Variants in PRKCB observed in about 807,000 individuals in gnomAD.
PRKCB encodes the protein protein kinase C beta type.
Under a neutral mutation model 81.5 loss-of-function variants are expected in PRKCB, and 13 were observed. The observed-to-expected ratio is 0.16, with a 90% confidence interval of 0.10 to 0.25. PRKCB has a LOEUF of 0.25. Among genes scored for constraint, PRKCB ranks in the 10% least tolerant of loss-of-function variants. PRKCB has a pLI of 1.00. For synonymous variants in PRKCB, 335 were observed against 321.4 expected (o/e 1.04, Z -0.45); for missense variants, 509 against 875.7 (o/e 0.58, Z 5.29).
At chr16:24,073,197 G>T (rs535178767) in intron 5 of PRKCB, among the ~76,000 whole-genome samples, 1 of 152,172 alleles carries the variant, frequency 6.6e-6, no homozygotes, top group Admixed American at 6.5e-5. Flanking sequence ...TGGATAAACC[G>T]CTTGCTAAAT....
intron 2 of PRKCB, among the ~76,000 whole-genome samples, chr16:23,951,715 G>A (rs1020017214): frequency 3.3e-5 from 5 of 151,156 alleles, no homozygotes; most frequent in African/African-American, 1.2e-4. Context: ...ACTGCACCTG[G>A]TCCCCTGTCT....
At chr16:24,191,446 C>A (rs780777666) in intron 16 of PRKCB, 1 of 469,554 alleles carries the variant, frequency 2.1e-6, no homozygotes, top group Non-Finnish European at 3.7e-6. Flanking sequence ...AACGACGATG[C>A]CTATTGAATT....
intron 2 of PRKCB, among the ~76,000 whole-genome samples, chr16:23,882,021 T>TCTTTCTTTCTCTTTCTTTCTTTCTTC: frequency 1.3e-4 from 7 of 55,592 alleles, no homozygotes; most frequent in South Asian, 8.5e-4. Flanking sequence ...TTTCTTTCTT[T>TCTTTCTTTCTCTTTCTTTCTTTCTTC]CTTCCTTCCT....
At chr16:23,991,932 T>A (rs895727337) in intron 3 of PRKCB, among the ~76,000 whole-genome samples, 2 of 152,236 alleles carry the variant, frequency 1.3e-5, no homozygotes, top group African/African-American at 4.8e-5. Context: ...TTCTCCAAAC[T>A]TATATCCTGA....
chr16:24,088,690 C>T (rs1267619657), intron 5 of PRKCB, among the ~76,000 whole-genome samples: 1 of 149,456 alleles, frequency 6.7e-6, no homozygotes, highest in Non-Finnish European at 1.5e-5. Context: ...GATCGCGCCA[C>T]CGCACTCCAG....
At chr16:23,954,652 A>G (rs1453105852) in intron 2 of PRKCB, among the ~76,000 whole-genome samples, 1 of 152,232 alleles carries the variant, frequency 6.6e-6, no homozygotes, top group Admixed American at 6.5e-5. Context: ...GCTTAGCTGC[A>G]CTGCCTATTA....
At chr16:24,135,553 TCCGC>T (rs1966862121) in intron 9 of PRKCB, among the ~76,000 whole-genome samples, 1 of 152,066 alleles carries the variant, frequency 6.6e-6, no homozygotes, top group Non-Finnish European at 1.5e-5. Flanking sequence ...CCTCAAGTGA[TCCGC>T]CTGCCTCAGC....
chr16:24,075,842 T>A (rs1966169734), intron 5 of PRKCB, among the ~76,000 whole-genome samples: 1 of 152,230 alleles, frequency 6.6e-6, no homozygotes, highest in African/African-American at 2.4e-5. Context: ...TACATGAGTG[T>A]CACATCAGAG....
chr16:24,216,762 GAGA>G lies in PRKCB; in HGVS notation c.*1949_*1951del, dbSNP rs1187716540. The G allele has an allele frequency of 8.1e-6, 8 of 985,388 alleles. No homozygotes were observed. Among genetic ancestry groups the G allele is most frequent in the African/African-American group, 1.7e-5 (1 of 57,264 alleles). 61.0% of individuals were successfully genotyped at this position (985,388 alleles called of 1,614,324 possible). A position where few individuals can be genotyped will look rare whatever the true frequency, so the allele number is the denominator to read the frequency against. On this transcript the variant is annotated 3_prime_UTR_variant, in exon 17 of 17. Coordinates refer to ENST00000643927, the MANE Select transcript of PRKCB (RefSeq NM_002738.7). Reference sequence around the variant, plus strand: ...TCTATCTGACAAGTTTAGGCAGTAAGAGAAGGAGGGAAATCGGAGCAAAGCTCC... The same window carrying G: ...TCTATCTGACAAGTTTAGGCAGTAAGAGGAGGGAAATCGGAGCAAAGCTCC...
chr16:23,836,781 G>C (rs1308511282), intron 1 of PRKCB, among the ~76,000 whole-genome samples: 4 of 136,824 alleles, frequency 2.9e-5, no homozygotes, highest in African/African-American at 7.8e-5. Context: ...GGGGGGCGGC[G>C]CCCTGGGTGT....
intron 2 of PRKCB, among the ~76,000 whole-genome samples, chr16:23,890,575 C>T (rs6497696): frequency 0.96 from 146,661 of 152,304 alleles, 70,660 homozygotes; most frequent in East Asian, 1. Flanking sequence ...TTTGTGACTC[C>T]CAGTCATGGG....
chr16:24,128,971 C>T (rs138407630), intron 9 of PRKCB, among the ~76,000 whole-genome samples: 2 of 152,136 alleles, frequency 1.3e-5, no homozygotes, highest in African/African-American at 2.4e-5. Context: ...TTGTACCGTC[C>T]GGATTGATGA....
chr16:23,940,689 A>G (rs1386705597), intron 2 of PRKCB, among the ~76,000 whole-genome samples: 2 of 152,104 alleles, frequency 1.3e-5, no homozygotes, highest in African/African-American at 2.4e-5. Flanking sequence ...TATAGCAAAT[A>G]TATATATGAA....
At chr16:24,124,673 C>T (rs958272125) in intron 9 of PRKCB, among the ~76,000 whole-genome samples, 1 of 152,136 alleles carries the variant, frequency 6.6e-6, no homozygotes, top group Admixed American at 6.5e-5. Context: ...ATTTCTGACT[C>T]ATTTAGTGTT....
intron 2 of PRKCB, among the ~76,000 whole-genome samples, chr16:23,910,705 G>A (rs1176013103): frequency 6.6e-6 from 1 of 152,186 alleles, no homozygotes; most frequent in East Asian, 1.9e-4. Context: ...CATTTAAAAT[G>A]TACAATTCAG....
chr16:23,857,424 C>T (rs1413986318), intron 2 of PRKCB, among the ~76,000 whole-genome samples: 1 of 152,170 alleles, frequency 6.6e-6, no homozygotes, highest in Non-Finnish European at 1.5e-5. Context: ...AACAGTATGC[C>T]AGCACGGAGG....
At chr16:23,892,112 A>AT (rs145178769) in intron 2 of PRKCB, among the ~76,000 whole-genome samples, 7,054 of 152,284 alleles carry the variant, frequency 0.046, 223 homozygotes, top group South Asian at 0.086. Context: ...AAGTGGCACG[A>AT]TTCCCTTGGT....
At chr16:24,016,480 C>T (rs1047516368) in intron 3 of PRKCB, among the ~76,000 whole-genome samples, 1 of 151,824 alleles carries the variant, frequency 6.6e-6, no homozygotes, top group Non-Finnish European at 1.5e-5. Flanking sequence ...ATGTTGTCTA[C>T]CAAGAAGACC....
At chr16:24,212,853 C>G (rs1968165916) in intron 16 of PRKCB, among the ~76,000 whole-genome samples, 2 of 151,934 alleles carry the variant, frequency 1.3e-5, no homozygotes, top group Non-Finnish European at 2.9e-5. Flanking sequence ...AATTAATCAT[C>G]TTTCTCAGTT....
Sources: gnomAD v4.1 joint callset for allele counts (sites outside exome capture counted in the v4.1 genomes callset) on GRCh38, gnomAD v4.1.1 for gene constraint, MANE v1.5 for transcripts, NCBI Gene and HGNC (gene_info 2026-07-23, HGNC 2026-07-21) for gene names.